KAZN: variants seen among roughly 807,000 people sequenced by gnomAD.
The protein encoded by KAZN is kazrin.
In KAZN, 40 loss-of-function variants were observed where a neutral mutation model predicts 87.4. The ratio of observed to expected loss-of-function variants is 0.46; its 90% CI spans 0.36 to 0.60. KAZN has a LOEUF of 0.60. KAZN is among the 20% of genes least tolerant of loss of function. The pLI, the probability that KAZN is intolerant of heterozygous loss-of-function variation, is 0.00. For synonymous variants in KAZN, 466 were observed against 458.3 expected, an observed-to-expected ratio of 1.02 and a Z score of -0.22; for missense variants, 898 against 1,073.9, an observed-to-expected ratio of 0.84 and a Z score of 2.29.
chr1:14,059,417 A>G (rs1642700880), intron 1 of KAZN, among the ~76,000 whole-genome samples: 1 of 152,204 alleles, frequency 6.6e-6, no homozygotes, highest in African/African-American at 2.4e-5. Flanking sequence ...ACAAGAGGAG[A>G]AGAAAGAAAT....
intron 1 of KAZN, among the ~76,000 whole-genome samples, chr1:14,884,574 A>G (rs191551200): frequency 1.3e-5 from 2 of 152,348 alleles, no homozygotes; most frequent in Admixed American, 6.5e-5. Flanking sequence ...CTAGAGTCTT[A>G]GAAGTCCAGG....
At chr1:14,959,477 T>C (rs1663574002) in intron 1 of KAZN, among the ~76,000 whole-genome samples, 1 of 151,768 alleles carries the variant, frequency 6.6e-6, no homozygotes, top group South Asian at 2.1e-4. Context: ...GCTGCCCTTG[T>C]CCCCTCCCCA....
intron 2 of KAZN, among the ~76,000 whole-genome samples, chr1:14,423,497 A>G (rs566703704): frequency 3.3e-5 from 5 of 152,312 alleles, no homozygotes; most frequent in South Asian, 2.1e-4. Context: ...GAAGATTCCA[A>G]TGCTATCCAG....
In KAZN at chr1:15,094,838, G is replaced by A; in HGVS notation, c.1452G>A (p.Glu484=). The A allele has an allele frequency of 1.3e-6, 2 of 1,550,400 alleles. No homozygotes were observed. The highest frequency in any genetic ancestry group is 1.7e-6 in the Non-Finnish European group (2 of 1,146,544). ...AGGTGCTGCTGAGCCTGAGTGACGA[G>A]GACCTGCAGCTGGGCCTTGGGGTGT... The part of the protein sequence containing the change: ...SGKVLLSLSD[E]DLQLGLGVCS... Residue 484 remains glutamate (E), a synonymous_variant, in exon 10 of 15, where the codon GAG becomes GAA. Transcript: ENST00000376030. This position sits in a 1 kb window ranked among gnomAD's most constrained non-coding sequence, Gnocchi z 4.5.
At chr1:14,939,269 G>A (rs905604123) in intron 1 of KAZN, among the ~76,000 whole-genome samples, 4 of 149,640 alleles carry the variant, frequency 2.7e-5, no homozygotes, top group Non-Finnish European at 5.9e-5. Context: ...ACCGTGCCTG[G>A]CCTGTTTATT....
chr1:13,966,177 TTCCTTCCCTCCCTCCTAC>T (rs199970243), intron 1 of KAZN, among the ~76,000 whole-genome samples: 30,201 of 151,830 alleles, frequency 0.2, 3,306 homozygotes, highest in East Asian at 0.37. Context: ...CTGCCTCCTC[TTCCTTCCCTCCCTCCTAC>T]TCCTTCCCTC....
chr1:14,840,519 G>T lies in KAZN; in HGVS notation c.227-120165G>T, dbSNP rs57103933. On this transcript the variant is annotated intron_variant, in intron 1 of 14. Coordinates refer to ENST00000376030, the MANE Select transcript of KAZN (RefSeq NM_201628.3). ...CCTGATGCTCAGAGAAGATTATGCTGCACACTGCCTGCTGAAATCACTCTA... is the reference window on the plus strand; with the variant it reads ...CCTGATGCTCAGAGAAGATTATGCTTCACACTGCCTGCTGAAATCACTCTA... 2.6e-5 allele frequency among the ~76,000 whole-genome samples: 4 copies of T among 152,212 alleles called. No homozygotes were observed. In the East Asian group the frequency reaches 7.7e-4, roughly 29 times the overall value.
At chr1:14,064,549 CT>C (rs956498280) in intron 1 of KAZN, among the ~76,000 whole-genome samples, 9 of 151,968 alleles carry the variant, frequency 5.9e-5, no homozygotes, top group African/African-American at 2.2e-4. Flanking sequence ...TTGTTTGTTG[CT>C]TTGTTATTGT....
chr1:14,791,688 A>T (rs551225118), intron 1 of KAZN, among the ~76,000 whole-genome samples: 7 of 152,268 alleles, frequency 4.6e-5, no homozygotes, highest in African/African-American at 1.4e-4. Flanking sequence ...GGAATGCAGA[A>T]ACTGGAGATG....
At chr1:14,868,712 C>A (rs1651806302) in intron 1 of KAZN, among the ~76,000 whole-genome samples, 1 of 151,438 alleles carries the variant, frequency 6.6e-6, no homozygotes, top group East Asian at 1.9e-4. Flanking sequence ...GGCATGGTGG[C>A]GTGTGCCTGT....
chr1:14,651,031 G>A (rs1171731760), intron 1 of KAZN, among the ~76,000 whole-genome samples: 2 of 152,194 alleles, frequency 1.3e-5, no homozygotes, highest in African/African-American at 2.4e-5. Context: ...TCAAGAATTC[G>A]GAGAAAGTCA....
intron 1 of KAZN, among the ~76,000 whole-genome samples, chr1:14,061,659 T>C (rs7543816): frequency 0.053 from 8,065 of 152,186 alleles, 576 homozygotes; most frequent in African/African-American, 0.16. Flanking sequence ...CAAAAGAAAA[T>C]TCCACAGTGG....
chr1:14,210,437 A>G (rs1488233833), intron 2 of KAZN, among the ~76,000 whole-genome samples: 1 of 152,336 alleles, frequency 6.6e-6, no homozygotes, highest in East Asian at 1.9e-4. Flanking sequence ...ATGCACTAAT[A>G]CAACACTTAC....
chr1:13,921,850 C>G (rs1027271488), intron 1 of KAZN, among the ~76,000 whole-genome samples: 3 of 152,122 alleles, frequency 2.0e-5, no homozygotes, highest in Non-Finnish European at 4.4e-5. Context: ...CCAGGATGAT[C>G]TCGATCTCCT....
chr1:14,955,945 AT>A (rs1663040514), intron 1 of KAZN, among the ~76,000 whole-genome samples: 1 of 152,244 alleles, frequency 6.6e-6, no homozygotes, highest in African/African-American at 2.4e-5. Flanking sequence ...GCCCAGTTAA[AT>A]TTAAATTTCA....
intron 2 of KAZN, among the ~76,000 whole-genome samples, chr1:14,473,530 G>A (rs867775787): frequency 6.6e-6 from 1 of 151,898 alleles, no homozygotes; most frequent in African/African-American, 2.4e-5. Context: ...GGGAAGCTGA[G>A]GCAGGAGAAT....
intron 1 of KAZN, among the ~76,000 whole-genome samples, chr1:14,118,081 G>T (rs566204573): frequency 1.6e-3 from 243 of 152,264 alleles, no homozygotes; most frequent in African/African-American, 5.6e-3. Flanking sequence ...CTATGGTGGG[G>T]TCACCATGGG....
rs145252726 is a variant in KAZN, at chr1:14,636,858, G to A, written c.226+37635G>A. 2.6e-3 allele frequency among the ~76,000 whole-genome samples: 403 copies of A among 152,260 alleles called. 1 individual carries two copies. Among genetic ancestry groups the A allele is most frequent in the African/African-American group, 8.6e-3 (358 of 41,550 alleles). ...AGGAGGGGAGAAATAAGACCAAAGG[G>A]AATCAAAAGAGGAAATAACCAAAGT... On this transcript the variant is annotated intron_variant, in intron 1 of 14. Transcript: ENST00000376030.
chr1:13,995,089 T>G (rs1204054619), intron 1 of KAZN, among the ~76,000 whole-genome samples: 2 of 151,938 alleles, frequency 1.3e-5, no homozygotes, highest in Admixed American at 1.3e-4. Context: ...CCAACAAAGA[T>G]CTACAAAAAG....
Sources: gnomAD v4.1 joint callset for allele counts (sites outside exome capture counted in the v4.1 genomes callset) on GRCh38, gnomAD v4.1.1 for gene constraint, Gnocchi (gnomAD v3.1) non-coding constraint, MANE v1.5 for transcripts, NCBI Gene and HGNC (gene_info 2026-07-23, HGNC 2026-07-21) for gene names.